The following HAUS6 variants were observed in gnomAD, a reference collection of about 807,000 sequenced individuals.
HAUS6 encodes the protein HAUS augmin like complex subunit 6.
Under a neutral mutation model 106.8 loss-of-function variants are expected in HAUS6, and 80 were observed. The ratio of observed to expected loss-of-function variants is 0.75; its 90% CI spans 0.63 to 0.90. The LOEUF is 0.90. Ranked by LOEUF, HAUS6 falls within the 40% of genes least tolerant of loss-of-function variation. The pLI, the probability that HAUS6 is intolerant of heterozygous loss-of-function variation, is 0.00. For missense variants in HAUS6, 1,155 were observed against 1,118.1 expected (o/e 1.03, Z -0.47); for synonymous variants, 356 against 379.1 (o/e 0.94, Z 0.71).
At chr9:19,060,609 C>T (rs997614091) in intron 14 of HAUS6, among the ~76,000 whole-genome samples, 1 of 152,202 alleles carries the variant, frequency 6.6e-6, no homozygotes, top group Non-Finnish European at 1.5e-5. Context: ...GCAGACTCTT[C>T]TCAATTATAA....
At chr9:19,071,978 C>T (rs1299491635) in intron 11 of HAUS6, among the ~76,000 whole-genome samples, 3 of 152,000 alleles carry the variant, frequency 2.0e-5, no homozygotes, top group African/African-American at 4.8e-5. Flanking sequence ...CCAAGGTGGG[C>T]GGATCACCTA....
rs1288011909 is a variant in HAUS6, at chr9:19,053,577, T to G, written c.*2766A>C. On this transcript the variant is annotated 3_prime_UTR_variant, in exon 17 of 17. Coordinates refer to ENST00000380502, the MANE Select transcript of HAUS6 (RefSeq NM_017645.5). ...TGACATTTTTCATGTTTAGCAACAT[T>G]ACATGGTTGTCCTCTTTAAACATTT... 6.6e-6 allele frequency: 1 copy of G among 152,242 alleles called. No individual in the cohort carries two copies. Among genetic ancestry groups the G allele is most frequent in the Non-Finnish European group, 1.5e-5 (1 of 68,016 alleles). 9.4% of individuals were successfully genotyped at this position (152,242 alleles called of 1,614,324 possible).
intron 12 of HAUS6, among the ~76,000 whole-genome samples, chr9:19,067,858 A>G (rs1171570249): frequency 2.0e-5 from 3 of 151,792 alleles, no homozygotes; most frequent in Non-Finnish European, 2.9e-5. Context: ...ACACCCAGCT[A>G]ATTTTTTGTA....
intron 1 of HAUS6, among the ~76,000 whole-genome samples, chr9:19,097,274 T>A (rs1003627298): frequency 1.3e-5 from 2 of 152,056 alleles, no homozygotes; most frequent in African/African-American, 4.8e-5. Flanking sequence ...CTAAACAGCT[T>A]CTGCACAGCA....
chr9:19,067,568 T>C (rs751957409), intron 12 of HAUS6, among the ~76,000 whole-genome samples: 5 of 152,222 alleles, frequency 3.3e-5, no homozygotes, highest in African/African-American at 1.2e-4. Context: ...AATCAAAGTA[T>C]ATCTAATAGA....
intron 4 of HAUS6, among the ~76,000 whole-genome samples, chr9:19,092,430 A>G (rs1298865890): frequency 3.3e-5 from 5 of 151,860 alleles, no homozygotes; most frequent in Non-Finnish European, 5.9e-5. Flanking sequence ...AGCCTGACCA[A>G]CAGGGAGAAA....
chr9:19,069,785 T>TA (rs1024860344), intron 12 of HAUS6, among the ~76,000 whole-genome samples: 2 of 151,460 alleles, frequency 1.3e-5, no homozygotes, highest in African/African-American at 4.9e-5. Context: ...AATTAATATA[T>TA]AAAAAAATCA....
At chr9:19,072,801 T>C (rs939313898) in intron 11 of HAUS6, among the ~76,000 whole-genome samples, 4 of 152,096 alleles carry the variant, frequency 2.6e-5, no homozygotes. Context: ...TCATTAATCG[T>C]GTTGCTCAAT....
intron 12 of HAUS6, among the ~76,000 whole-genome samples, chr9:19,067,969 C>T (rs1836799518): frequency 6.6e-6 from 1 of 151,790 alleles, no homozygotes; most frequent in African/African-American, 2.4e-5. Flanking sequence ...GCTGGGATTA[C>T]AGGCATGAGC....
chr9:19,096,587 A>AAAAAAC (rs1817867881), intron 2 of HAUS6, 87 bp downstream of exon 2: 1 of 515,656 alleles, frequency 1.9e-6, no homozygotes, highest in African/African-American at 2.1e-5. Context: ...AAAAAAAAAA[A>AAAAAAC]AAGGAGAGAA....
At chr9:19,082,509 G>A (rs1837179328) in intron 8 of HAUS6, among the ~76,000 whole-genome samples, 1 of 152,172 alleles carries the variant, frequency 6.6e-6, no homozygotes, top group South Asian at 2.1e-4. Context: ...AGCACTTTGG[G>A]AGGCCAAGGT....
chr9:19,062,931 G>A (rs2131102709), intron 14 of HAUS6, 77 bp downstream of exon 14: 2 of 1,102,372 alleles, frequency 1.8e-6, no homozygotes, highest in East Asian at 4.9e-5. Flanking sequence ...CTCCCCAAGT[G>A]TTGGGATTAC....
At chr9:19,074,536 T>TTTTATAGGTGTGAG (rs1450889827) in intron 11 of HAUS6, among the ~76,000 whole-genome samples, 2 of 152,132 alleles carry the variant, frequency 1.3e-5, no homozygotes, top group African/African-American at 4.8e-5. Flanking sequence ...CTTCCCAAAG[T>TTTTATAGGTGTGAG]GCCAGGATTA....
chr9:19,073,727 A>C (rs1041916413), intron 11 of HAUS6: 1 of 152,058 alleles, frequency 6.6e-6, no homozygotes, highest in African/African-American at 2.4e-5. Context: ...TATCAAAAGA[A>C]TTCTACCATA....
Position 19,056,067 on chromosome 9 carries a change from C to A in HAUS6, c.*276G>T. The stretch of plus-strand genomic sequence containing the variant: ...TACTTTGTCATTCACTTAATGCTTA[C>A]AAGATTACTCAAGAAATCAAAATGG... On this transcript the variant is annotated 3_prime_UTR_variant, in exon 17 of 17. Coordinates refer to ENST00000380502, the MANE Select transcript of HAUS6 (RefSeq NM_017645.5). The A allele has an allele frequency of 2.8e-6, 1 of 362,592 alleles. No individual in the cohort carries two copies. The highest frequency in any genetic ancestry group is 5.0e-6 in the Non-Finnish European group (1 of 201,444). The allele number at this position is 362,592 out of a possible 1,614,324, so 22.5% of individuals were successfully genotyped here.
intron 13 of HAUS6, 118 bp from the exon 14 acceptor site, chr9:19,063,311 G>A (rs566756351): frequency 2.8e-6 from 2 of 713,934 alleles, no homozygotes; most frequent in South Asian, 4.0e-5. Flanking sequence ...ATACTATTGT[G>A]AAATTGTATG....
chr9:19,090,636 T>G (rs1013708969), intron 4 of HAUS6, among the ~76,000 whole-genome samples: 4 of 152,218 alleles, frequency 2.6e-5, no homozygotes, highest in Non-Finnish European at 4.4e-5. Flanking sequence ...GTGCTGGGAT[T>G]ATAGGCGTGA....
At chr9:19,072,214 T>C (rs1836895121) in intron 11 of HAUS6, among the ~76,000 whole-genome samples, 1 of 142,060 alleles carries the variant, frequency 7.0e-6, no homozygotes, top group African/African-American at 2.6e-5. Flanking sequence ...AAAAGAAAAA[T>C]TAACTAACTA....
At chr9:19,069,481 G>C (rs7031375) in intron 12 of HAUS6, among the ~76,000 whole-genome samples, 57,944 of 151,938 alleles carry the variant, frequency 0.38, 11,871 homozygotes, top group Non-Finnish European at 0.45. Context: ...CTGAGATCAG[G>C]AGTTCGAGAC....
Sources: gnomAD v4.1 joint callset for allele counts (sites outside exome capture counted in the v4.1 genomes callset) on GRCh38, gnomAD v4.1.1 for gene constraint, MANE v1.5 for transcripts, NCBI Gene and HGNC (gene_info 2026-07-23, HGNC 2026-07-21) for gene names.